The following NTM variants were observed in gnomAD, a reference collection of about 807,000 sequenced individuals.
The protein encoded by NTM is neurotrimin, also known as IgLON family member 2.
NTM carries 13 observed loss-of-function variants against 42.1 expected under a neutral mutation model. The ratio of observed to expected loss-of-function variants is 0.31; its 90% CI spans 0.20 to 0.49. NTM has a LOEUF of 0.49. Ranked by LOEUF, NTM falls within the 20% of genes least tolerant of loss-of-function variation. The probability of loss-of-function intolerance (pLI) is 0.99; values close to 1 mark genes in which losing one functional copy is unlikely to be tolerated. For synonymous variants in NTM, 187 were observed against 179.2 expected (o/e 1.04, Z -0.35); for missense variants, 373 against 452.8 (o/e 0.82, Z 1.60).
intron 1 of NTM, among the ~76,000 whole-genome samples, chr11:131,494,487 C>G (rs1414300446): frequency 6.6e-6 from 1 of 152,212 alleles, no homozygotes; most frequent in Admixed American, 6.5e-5. Flanking sequence ...AATACAACTT[C>G]CATGTTATGG....
At chr11:131,444,682 G>C (rs184419066) in intron 1 of NTM, among the ~76,000 whole-genome samples, 1 of 152,128 alleles carries the variant, frequency 6.6e-6, no homozygotes, top group South Asian at 2.1e-4. Flanking sequence ...GTTGTGGGGG[G>C]TGTGGCACAG....
rs2072407396 is a variant in NTM at position 132,012,397 on chromosome 11, A to T, written c.167+100749A>T. 1.3e-5 allele frequency among the ~76,000 whole-genome samples: 2 copies of T among 152,184 alleles called. 1 individual carries two copies. Among genetic ancestry groups the T allele is most frequent in the South Asian group, 4.1e-4 (2 of 4,834 alleles). ...CAATGCTTTTGGAATGAAAAAGTGG[A>T]CTTAAGCCTAGCCCATCTCCAGATT... On this transcript the variant is annotated intron_variant, in intron 2 of 8. Coordinates refer to ENST00000683400, the MANE Select transcript of NTM (RefSeq NM_001352005.2).
At chr11:132,068,742 G>A (rs1436904970) in intron 2 of NTM, among the ~76,000 whole-genome samples, 2 of 152,180 alleles carry the variant, frequency 1.3e-5, no homozygotes, top group Non-Finnish European at 2.9e-5. Context: ...ATGATGATGG[G>A]TGCTGGCTAG....
At chr11:131,551,563 T>G (rs561456120) in intron 1 of NTM, among the ~76,000 whole-genome samples, 158 of 152,278 alleles carry the variant, frequency 1.0e-3, no homozygotes, top group African/African-American at 3.7e-3. Context: ...ACCAGTGTGT[T>G]TCAGACACAT....
At chr11:131,897,954 T>C (rs1368890139) in intron 1 of NTM, among the ~76,000 whole-genome samples, 2 of 152,224 alleles carry the variant, frequency 1.3e-5, no homozygotes. Flanking sequence ...TTAAAGATGA[T>C]ATCCTTGGAA....
Position 131,625,560 on chromosome 11 carries a change from AT to A in NTM, c.82+254683del, listed in dbSNP as rs377633652. ...GGAGGGAGGATAGAAGAAAGGCTTC[AT>A]TTTTTTTTTTCAGATAACGTTCCCC... On this transcript the variant is annotated intron_variant, in intron 1 of 8. Coordinates refer to ENST00000683400, the MANE Select transcript of NTM (RefSeq NM_001352005.2). Among the ~76,000 whole-genome samples the A allele has an allele frequency of 6.3e-3, 942 of 149,450 alleles. 14 individuals carry two copies. Among genetic ancestry groups the A allele is most frequent in the Admixed American group, 0.018 (268 of 14,972 alleles).
At chr11:131,969,228 T>C (rs921009141) in intron 2 of NTM, among the ~76,000 whole-genome samples, 34 of 152,324 alleles carry the variant, frequency 2.2e-4, no homozygotes, top group African/African-American at 6.5e-4. Context: ...CCTGGGTTCA[T>C]GTGTCCTGCA....
chr11:131,853,210 A>T (rs78997055), intron 1 of NTM, among the ~76,000 whole-genome samples: 1 of 152,034 alleles, frequency 6.6e-6, no homozygotes, highest in Non-Finnish European at 1.5e-5. Flanking sequence ...CAGTCTGAGC[A>T]CCATAAGCAG....
At chr11:132,077,242 A>C (rs1480428300) in intron 2 of NTM, among the ~76,000 whole-genome samples, 3 of 152,244 alleles carry the variant, frequency 2.0e-5, no homozygotes, top group Non-Finnish European at 4.4e-5. Flanking sequence ...CCTTAGAAAG[A>C]CATCTGTTGA....
intron 1 of NTM, among the ~76,000 whole-genome samples, chr11:131,820,763 C>T (rs138365687): frequency 5.9e-5 from 9 of 152,294 alleles, no homozygotes; most frequent in East Asian, 1.9e-4. Context: ...CTGAAAGTTT[C>T]GTGACATTTT....
At chr11:132,314,373 GTCAC>G (rs980389592) in intron 6 of NTM, 175 bp from the exon 7 acceptor site, 9 of 248,466 alleles carry the variant, frequency 3.6e-5, no homozygotes, top group African/African-American at 6.9e-5. Context: ...GAAACAACGT[GTCAC>G]TCACTGTCTG....
chr11:131,753,959 G>A (rs1324404591), intron 1 of NTM, among the ~76,000 whole-genome samples: 2 of 151,694 alleles, frequency 1.3e-5, no homozygotes, highest in Admixed American at 6.6e-5. Context: ...GCCATAAAAA[G>A]TGATGAGTTC....
chr11:131,754,020 A>T (rs1393668728), intron 1 of NTM, among the ~76,000 whole-genome samples: 2 of 151,256 alleles, frequency 1.3e-5, no homozygotes, highest in African/African-American at 4.9e-5. Flanking sequence ...TTCTCAGCAA[A>T]CTACTGCAAG....
intron 1 of NTM, among the ~76,000 whole-genome samples, chr11:131,622,964 A>G (rs568214054): frequency 5.3e-5 from 8 of 152,358 alleles, no homozygotes; most frequent in Admixed American, 2.6e-4. Context: ...TCTCCTGAAT[A>G]AAACAGAAAA....
chr11:131,394,318 G>A (rs759592954), intron 1 of NTM, among the ~76,000 whole-genome samples: 4 of 152,160 alleles, frequency 2.6e-5, no homozygotes, highest in African/African-American at 2.4e-5. Flanking sequence ...ACCCAGAAGA[G>A]TCTGGTCACC....
chr11:131,718,590 G>A (rs1354006026), intron 1 of NTM, among the ~76,000 whole-genome samples: 2 of 152,138 alleles, frequency 1.3e-5, no homozygotes, highest in African/African-American at 2.4e-5. Flanking sequence ...CCAATCTTCT[G>A]GGAAGGTTCT....
At chr11:131,611,223 G>A (rs2061438423) in intron 1 of NTM, among the ~76,000 whole-genome samples, 1 of 152,198 alleles carries the variant, frequency 6.6e-6, no homozygotes, top group Non-Finnish European at 1.5e-5. Flanking sequence ...GTCAGGAAGA[G>A]GAGCTGGCTT....
At chr11:132,230,636 G>C (rs2087342763) in intron 4 of NTM, among the ~76,000 whole-genome samples, 2 of 152,232 alleles carry the variant, frequency 1.3e-5, no homozygotes, top group African/African-American at 4.8e-5. Context: ...CATCTCCTCT[G>C]TCAAGTTAAG....
chr11:132,324,582 A>C (rs2095639704), intron 7 of NTM, among the ~76,000 whole-genome samples: 1 of 150,212 alleles, frequency 6.7e-6, no homozygotes, highest in Admixed American at 6.6e-5. Flanking sequence ...AATATCGTGA[A>C]AATGGCCATA....
Sources: gnomAD v4.1 joint callset for allele counts (sites outside exome capture counted in the v4.1 genomes callset) on GRCh38, gnomAD v4.1.1 for gene constraint, MANE v1.5 for transcripts, NCBI Gene and HGNC (gene_info 2026-07-23, HGNC 2026-07-21) for gene names.